The following ARHGAP24 variants were observed in gnomAD, a reference collection of about 807,000 sequenced individuals.
ARHGAP24 encodes Rho GTPase activating protein 24.
A neutral mutation model predicts 76.4 loss-of-function variants in ARHGAP24; 50 were observed. The observed-to-expected ratio is 0.65, with a 90% CI of 0.52 to 0.83. The LOEUF (loss-of-function observed/expected upper bound fraction) is 0.83. Ranked by LOEUF, ARHGAP24 falls within the 40% of genes least tolerant of loss-of-function variation. The probability of loss-of-function intolerance (pLI) is 0.00; values close to 1 mark genes in which losing one functional copy is unlikely to be tolerated. For synonymous variants in ARHGAP24, 345 were observed against 323.3 expected, an observed-to-expected ratio of 1.07 and a Z score of -0.72; for missense variants, 930 against 914.2, an observed-to-expected ratio of 1.02 and a Z score of -0.22.
rs371684938 is a variant in ARHGAP24 at position 85,585,101 on chromosome 4, G to C, written c.180+14380G>C. Among the ~76,000 whole-genome samples the C allele has an allele frequency of 5.3e-5, 8 of 152,214 alleles. No homozygotes were observed. The East Asian group carries it at 9.6e-4, about 18-fold the overall frequency. ...GCCTCTTTTAGCTCTATGGGCATTT[G>C]CAGGTGGTTCCCACTTTTAGTTGTT... is the stretch of plus-strand genomic sequence containing the variant. On this transcript the variant is annotated intron_variant, in intron 2 of 9. Coordinates refer to ENST00000395184, the MANE Select transcript of ARHGAP24 (RefSeq NM_001025616.3).
intron 9 of ARHGAP24, among the ~76,000 whole-genome samples, chr4:85,998,837 C>T (rs570718858): frequency 6.6e-6 from 1 of 152,248 alleles, no homozygotes; most frequent in South Asian, 2.1e-4. Context: ...CTGCCTAATA[C>T]TGGAGGCCTC....
intron 2 of ARHGAP24, among the ~76,000 whole-genome samples, chr4:85,598,326 C>G (rs1021442417): frequency 6.6e-6 from 1 of 151,816 alleles, no homozygotes; most frequent in South Asian, 2.1e-4. Flanking sequence ...TAATTATGTC[C>G]CATTCTAATT....
intron 3 of ARHGAP24, among the ~76,000 whole-genome samples, chr4:85,849,712 GTT>G (rs993860900): frequency 9.9e-5 from 15 of 152,052 alleles, no homozygotes. Flanking sequence ...TAATCATGTG[GTT>G]TTTGTCTTTG....
intron 2 of ARHGAP24, among the ~76,000 whole-genome samples, chr4:85,671,569 G>C (rs1381800271): frequency 1.3e-5 from 2 of 152,176 alleles, no homozygotes; most frequent in Non-Finnish European, 2.9e-5. Context: ...TATATAAAGA[G>C]AGGTTTTAGC....
At chr4:85,748,638 T>C (rs945300151) in intron 3 of ARHGAP24, among the ~76,000 whole-genome samples, 2 of 152,160 alleles carry the variant, frequency 1.3e-5, no homozygotes, top group Non-Finnish European at 2.9e-5. Context: ...TGATATATGA[T>C]GCAATATATG....
At chr4:85,778,654 A>T (rs1448338956) in intron 3 of ARHGAP24, 1 of 977,588 alleles carries the variant, frequency 1.0e-6, no homozygotes, top group African/African-American at 1.8e-5. Context: ...TATTTAAGGT[A>T]TATTTCCTTG....
intron 3 of ARHGAP24, among the ~76,000 whole-genome samples, chr4:85,825,170 A>T (rs1259979047): frequency 1.3e-5 from 2 of 152,212 alleles, no homozygotes; most frequent in Non-Finnish European, 2.9e-5. Flanking sequence ...AATAATTTGA[A>T]GAAAGTGCCT....
At chr4:85,706,971 G>A (rs1417220650) in intron 2 of ARHGAP24, among the ~76,000 whole-genome samples, 1 of 152,084 alleles carries the variant, frequency 6.6e-6, no homozygotes, top group African/African-American at 2.4e-5. Flanking sequence ...CTAAAGTGCA[G>A]TCGTGCTATC....
chr4:85,540,718 T>A (rs2110122548), intron 1 of ARHGAP24, among the ~76,000 whole-genome samples: 1 of 152,284 alleles, frequency 6.6e-6, no homozygotes, highest in East Asian at 1.9e-4. Context: ...CTCTTCTGAT[T>A]TTTTCCCCAC....
At chr4:85,594,709 A>G (rs1396954617) in intron 2 of ARHGAP24, among the ~76,000 whole-genome samples, 6 of 152,138 alleles carry the variant, frequency 3.9e-5, no homozygotes, top group Non-Finnish European at 8.8e-5. Flanking sequence ...TTCTTTCTAC[A>G]GTATGTGGCA....
At chr4:85,739,342 C>G (rs1346392770) in intron 3 of ARHGAP24, among the ~76,000 whole-genome samples, 1 of 152,160 alleles carries the variant, frequency 6.6e-6, no homozygotes, top group African/African-American at 2.4e-5. Flanking sequence ...TCCTTGCATC[C>G]TCTCTGTTTC....
At chr4:85,920,778 A>G (rs1342160071) in intron 3 of ARHGAP24, among the ~76,000 whole-genome samples, 2 of 152,190 alleles carry the variant, frequency 1.3e-5, no homozygotes, top group Admixed American at 6.5e-5. Context: ...AAAAAGCTCA[A>G]CATCATTGAT....
chr4:85,879,461 T>G (rs1733115548), intron 3 of ARHGAP24, among the ~76,000 whole-genome samples: 1 of 152,126 alleles, frequency 6.6e-6, no homozygotes, highest in African/African-American at 2.4e-5. Context: ...CTTGTGAATC[T>G]GAATCATGCA....
chr4:85,645,106 T>C (rs1719854367), intron 2 of ARHGAP24, among the ~76,000 whole-genome samples: 1 of 152,146 alleles, frequency 6.6e-6, no homozygotes, highest in South Asian at 2.1e-4. Context: ...GGACATCTGT[T>C]CATTTTTAAA....
At chr4:85,766,473 T>C (rs529060487) in intron 3 of ARHGAP24, among the ~76,000 whole-genome samples, 2 of 152,236 alleles carry the variant, frequency 1.3e-5, no homozygotes, top group Admixed American at 1.3e-4. Flanking sequence ...TGGGAACTTG[T>C]TAGAAATTCA....
chr4:85,738,126 G>A (rs1725671244), intron 3 of ARHGAP24, among the ~76,000 whole-genome samples: 1 of 151,934 alleles, frequency 6.6e-6, no homozygotes, highest in African/African-American at 2.4e-5. Flanking sequence ...TCACCATGTT[G>A]GCCAGGCTCG....
At chr4:85,961,622 A>G (rs1291989272) in intron 5 of ARHGAP24, among the ~76,000 whole-genome samples, 1 of 152,136 alleles carries the variant, frequency 6.6e-6, no homozygotes, top group Non-Finnish European at 1.5e-5. Flanking sequence ...CAGTAAAGTC[A>G]TTGTTGGGGA....
chr4:85,985,118 G>A (rs903384494), intron 8 of ARHGAP24, among the ~76,000 whole-genome samples: 4 of 151,984 alleles, frequency 2.6e-5, no homozygotes, highest in East Asian at 1.9e-4. Flanking sequence ...CACCATGCCC[G>A]GCCAGAAGAG....
At chr4:85,960,883 G>A (rs1046659209) in intron 5 of ARHGAP24, among the ~76,000 whole-genome samples, 2 of 152,012 alleles carry the variant, frequency 1.3e-5, no homozygotes, top group African/African-American at 4.8e-5. Context: ...ACCTTTATTT[G>A]TTTTCTGCTC....
Sources: gnomAD v4.1 joint callset for allele counts (sites outside exome capture counted in the v4.1 genomes callset) on GRCh38, gnomAD v4.1.1 for gene constraint, MANE v1.5 for transcripts, NCBI Gene and HGNC (gene_info 2026-07-23, HGNC 2026-07-21) for gene names.